The following NCKAP5 variants were observed in gnomAD, a reference collection of about 807,000 sequenced individuals.
NCKAP5 encodes NCK associated protein 5, also known as nck-associated protein 5.
In NCKAP5, 92 loss-of-function variants were observed where a neutral mutation model predicts 167.0. That is an observed-to-expected ratio of 0.55 (90% CI 0.47 to 0.66). NCKAP5 has a LOEUF of 0.66. Among genes scored for constraint, NCKAP5 ranks in the 30% least tolerant of loss-of-function variants. The pLI, the probability that NCKAP5 is intolerant of heterozygous loss-of-function variation, is 0.00. For missense variants in NCKAP5, 2,378 were observed against 2,315.0 expected (o/e 1.03, Z -0.56); for synonymous variants, 891 against 877.4 (o/e 1.02, Z -0.27).
intron 6 of NCKAP5, among the ~76,000 whole-genome samples, chr2:133,082,232 C>A (rs956761289): frequency 6.6e-6 from 1 of 152,012 alleles, no homozygotes; most frequent in African/African-American, 2.4e-5. Context: ...TCAAAAATGC[C>A]ACCACAGCAT....
intron 12 of NCKAP5, among the ~76,000 whole-genome samples, chr2:132,792,778 C>T (rs1030405389): frequency 3.9e-5 from 6 of 152,178 alleles, no homozygotes; most frequent in Admixed American, 1.3e-4. Flanking sequence ...CTGTCCTTCC[C>T]GCCTGTTCTT....
chr2:133,287,346 T>C (rs1476289414), intron 4 of NCKAP5, among the ~76,000 whole-genome samples: 2 of 152,178 alleles, frequency 1.3e-5, no homozygotes, highest in Non-Finnish European at 2.9e-5. Context: ...ACTGACCCCA[T>C]CCATATTTCT....
chr2:132,958,884 C>G (rs1450032469), intron 8 of NCKAP5, among the ~76,000 whole-genome samples: 1 of 152,004 alleles, frequency 6.6e-6, no homozygotes, highest in African/African-American at 2.4e-5. Context: ...TTCTTATTTA[C>G]AGGCATATAG....
intron 8 of NCKAP5, among the ~76,000 whole-genome samples, chr2:132,883,670 A>T (rs1450602907): frequency 6.6e-6 from 1 of 151,808 alleles, no homozygotes; most frequent in African/African-American, 2.4e-5. Flanking sequence ...GGGCTTTCTC[A>T]TTTCCTCGGT....
At chr2:132,806,769 T>C (rs1685475492) in intron 11 of NCKAP5, among the ~76,000 whole-genome samples, 1 of 152,216 alleles carries the variant, frequency 6.6e-6, no homozygotes, top group African/African-American at 2.4e-5. Context: ...ATTTCTTTAG[T>C]TTAATTAGGT....
intron 5 of NCKAP5, among the ~76,000 whole-genome samples, chr2:133,175,081 T>A (rs2150006846): frequency 6.6e-6 from 1 of 152,308 alleles, no homozygotes; most frequent in African/African-American, 2.4e-5. Flanking sequence ...AGAAATGGTA[T>A]CTCCATGGTT....
chr2:133,344,415 A>C (rs113854518), intron 3 of NCKAP5, among the ~76,000 whole-genome samples: 2,646 of 151,878 alleles, frequency 0.017, 91 homozygotes, highest in African/African-American at 0.058. Context: ...CTCAAAAAAA[A>C]AAAAAAAAGG....
chr2:133,293,376 G>C (rs1194646473), intron 4 of NCKAP5, among the ~76,000 whole-genome samples: 2 of 152,132 alleles, frequency 1.3e-5, no homozygotes, highest in Non-Finnish European at 1.5e-5. Flanking sequence ...CCCCTAATTA[G>C]ACACATGCAT....
rs141045918 is a variant in NCKAP5 at position 133,086,153 on chromosome 2, C to T, written c.341+43825G>A. Among the ~76,000 whole-genome samples the T allele has an allele frequency of 1.5e-3, 225 of 152,238 alleles. 3 individuals are homozygous for T. Among genetic ancestry groups the T allele is most frequent in the South Asian group, 0.014 (67 of 4,820 alleles). On this transcript the variant is annotated intron_variant, in intron 6 of 19. Coordinates refer to ENST00000409261, the MANE Select transcript of NCKAP5 (RefSeq NM_207363.3). ...TAAAAGGTCTATTGAAGTCCTCTTC[C>T]GCCATTCTTTGTCAATTACTGAGCT...
At chr2:132,686,729 G>A (rs1250384893) in intron 19 of NCKAP5, among the ~76,000 whole-genome samples, 1 of 152,064 alleles carries the variant, frequency 6.6e-6, no homozygotes, top group East Asian at 1.9e-4. Context: ...ATACTTTCTG[G>A]TGGAGAATAC....
chr2:133,626,951 T>C, the NCKAP5 span, among the ~76,000 whole-genome samples: 14,877 of 151,942 alleles, frequency 0.098, 846 homozygotes, highest in African/African-American at 0.13. Flanking sequence ...AAATTTCCGG[T>C]GAACAAAATA....
At chr2:133,125,760 G>A (rs907485405) in intron 6 of NCKAP5, among the ~76,000 whole-genome samples, 4 of 152,152 alleles carry the variant, frequency 2.6e-5, no homozygotes, top group Admixed American at 2.6e-4. Flanking sequence ...TCTGAACCAA[G>A]TTTGTTATGC....
chr2:133,534,764 C>A (rs1685628668), intron 2 of NCKAP5, among the ~76,000 whole-genome samples: 1 of 152,150 alleles, frequency 6.6e-6, no homozygotes, highest in East Asian at 1.9e-4. Context: ...GACAACTGGG[C>A]TGTTTCCACA....
chr2:133,182,734 G>T (rs892390775), intron 5 of NCKAP5, among the ~76,000 whole-genome samples: 1 of 152,014 alleles, frequency 6.6e-6, no homozygotes, highest in African/African-American at 2.4e-5. Context: ...TAAATCCAAA[G>T]ATGTAGAAGA....
chr2:133,356,387 C>T (rs1270881797), intron 3 of NCKAP5, among the ~76,000 whole-genome samples: 5 of 152,174 alleles, frequency 3.3e-5, no homozygotes, highest in Admixed American at 2.0e-4. Flanking sequence ...ATGAGATAAA[C>T]ATGGATGATT....
Position 132,724,492 on chromosome 2 carries a change from G to A in NCKAP5, c.5713+1135C>T, listed in dbSNP as rs113992116. Among the ~76,000 whole-genome samples the A allele has an allele frequency of 2.6e-3, 399 of 152,142 alleles. 1 individual carries two copies. Among genetic ancestry groups the A allele is most frequent in the African/African-American group, 9.3e-3 (385 of 41,514 alleles). The stretch of plus-strand genomic sequence containing the variant: ...GGTTGGTGAGGTGAGGCTATTCCCT[G>A]AGGACTCACAATGAGCTCAAGGGAA... On this transcript the variant is annotated intron_variant, in intron 19 of 19. Transcript: ENST00000409261.
chr2:133,506,676 C>A (rs753606721), intron 3 of NCKAP5, among the ~76,000 whole-genome samples: 5 of 152,198 alleles, frequency 3.3e-5, no homozygotes, highest in Non-Finnish European at 5.9e-5. Flanking sequence ...GGCCTAGTGG[C>A]AATGACTCCC....
chr2:133,066,961 C>A lies in NCKAP5; in HGVS notation c.341+63017G>T, dbSNP rs183279025. Among the ~76,000 whole-genome samples, 77 of 152,286 alleles carry A rather than the reference C, an allele frequency of 5.1e-4. 1 individual carries two copies. In the East Asian group the frequency reaches 0.014, roughly 28 times the overall value. ...AGCAGTTATAACATTCAAGTGGTTT[C>A]TTGAGACTCTGAGGGAATAGATAAC... On this transcript the variant is annotated intron_variant, in intron 6 of 19. Coordinates refer to ENST00000409261, the MANE Select transcript of NCKAP5 (RefSeq NM_207363.3).
intron 19 of NCKAP5, among the ~76,000 whole-genome samples, chr2:132,692,149 A>ATTTT (rs1446477052): frequency 1.4e-5 from 2 of 145,890 alleles, no homozygotes; most frequent in African/African-American, 5.4e-5. Context: ...ATTTTATTTT[A>ATTTT]TTTTATTTTT....
Sources: allele counts gnomAD v4.1 joint callset (sites outside exome capture counted in the v4.1 genomes callset), GRCh38; gene constraint gnomAD v4.1.1; transcripts MANE v1.5; gene names NCBI Gene and HGNC (gene_info 2026-07-23, HGNC 2026-07-21).